DIDO1: variants seen among roughly 807,000 people sequenced by gnomAD.
DIDO1 encodes the protein death-inducer obliterator 1.
DIDO1 carries 16 observed loss-of-function variants against 99.4 expected under a neutral mutation model. That is an observed-to-expected ratio of 0.16 (90% CI 0.11 to 0.24). The LOEUF is 0.24. Ranked by LOEUF, DIDO1 falls within the 10% of genes least tolerant of loss-of-function variation. The pLI is 1.00. For synonymous variants in DIDO1, 1,366 were observed against 1,239.1 expected, an observed-to-expected ratio of 1.10 and a Z score of -2.15; for missense variants, 2,996 against 3,014.0, an observed-to-expected ratio of 0.99 and a Z score of 0.14.
chr20:62,883,159 G>A (rs1388026547), intron 15 of DIDO1, among the ~76,000 whole-genome samples: 2 of 151,604 alleles, frequency 1.3e-5, no homozygotes, highest in African/African-American at 2.4e-5. Flanking sequence ...CCTGACCTCA[G>A]GTGATCCACC....
At chr20:62,929,692 A>AAAAAAAATATATAT, upstream of DIDO1, among the ~76,000 whole-genome samples, 5 of 63,710 alleles carry the variant, frequency 7.8e-5, no homozygotes, top group African/African-American at 3.0e-4. Context: ...AAAAAGAAAA[A>AAAAAAAATATATAT]GTGTATATAT....
At chr20:62,905,533 T>C in intron 6 of DIDO1, 1 of 1,551,004 alleles carries the variant, frequency 6.4e-7, no homozygotes, top group South Asian at 1.2e-5. Flanking sequence ...CAGGGGTGGA[T>C]GTGGCGTGCC....
intron 15 of DIDO1, 144 bp from the exon 16 acceptor site, chr20:62,882,558 G>A: frequency 1.2e-6 from 1 of 848,222 alleles, no homozygotes; most frequent in East Asian, 2.7e-5. Context: ...CAAGTGTCAA[G>A]ACAGTTGCAA....
chr20:62,897,218 A>G (rs2064556722), intron 6 of DIDO1, among the ~76,000 whole-genome samples: 1 of 152,232 alleles, frequency 6.6e-6, no homozygotes, highest in Non-Finnish European at 1.5e-5. Flanking sequence ...TTTCAGAAAG[A>G]AGAATGCTTT....
chr20:62,882,175 G>A lies in DIDO1; in HGVS notation c.3781C>T (p.Pro1261Ser). 1 of 1,613,228 alleles carries A rather than the reference G, an allele frequency of 6.2e-7. No individual in the cohort carries two copies. The highest frequency in any genetic ancestry group is 8.5e-7 in the Non-Finnish European group (1 of 1,180,028). Residue 1261 changes from proline to serine, a missense_variant, in exon 16 of 16, where the codon CCG becomes TCG. By Grantham distance (74) the Pro-to-Ser change is moderately conservative (BLOSUM62 -1). Around this residue, in one of 5 missense-constraint regions of DIDO1, gnomAD observed 1,562 missense variants for 1,412.6 expected, o/e 1.11. Transcript: ENST00000395343. ...TCTGGAAGAGGGGGCGGAGGCGGCG[G>A]CGACCCAGGAGGTGTGGTGCTGACA... ...AAVSTTPPGS[P>S]PPPPPLPEPP...
chr20:62,896,978 C>T lies in DIDO1; in HGVS notation c.1607G>A (p.Arg536Lys), dbSNP rs141635164. ...CATGGCTGCCGCTTTCTCCTCGGAC[C>T]TCCTGTCTTCCTTCGTGGCTACAAA... is the stretch of plus-strand genomic sequence containing the variant. ...LLYKSTKEDR[R>K]SEEKAAAMAA... is the part of the protein sequence containing the mutation. The change falls in exon 7 of 16, where the codon AGG (arginine) becomes AAG (lysine). Residue 536 changes from arginine to lysine, a missense_variant. Coordinates refer to ENST00000395343, the MANE Select transcript of DIDO1 (RefSeq NM_001193369.2). The surrounding 1 kb of genome is among the most constrained non-coding windows in gnomAD (Gnocchi z 4.4). The T allele has an allele frequency of 5.6e-6, 9 of 1,612,348 alleles. No homozygotes were observed. The African/African-American group carries it at 1.1e-4, about 19-fold the overall frequency.
At chr20:62,906,276 G>A (rs1034323433) in intron 5 of DIDO1, among the ~76,000 whole-genome samples, 176 bp from the exon 6 acceptor site, 6 of 152,004 alleles carry the variant, frequency 3.9e-5, no homozygotes, top group South Asian at 2.1e-4. Context: ...CGGTGGGCCC[G>A]CGGTGGGCCC....
At chr20:62,883,980 T>G (rs2064254810) in intron 15 of DIDO1, among the ~76,000 whole-genome samples, 1 of 152,212 alleles carries the variant, frequency 6.6e-6, no homozygotes, top group Non-Finnish European at 1.5e-5. Context: ...AACTCCAGCC[T>G]GGGCAACAGA....
In DIDO1 at chr20:62,893,841, A is replaced by C; in HGVS notation, c.2926T>G (p.Cys976Gly). ...GATGCTGCGGAGGCCACGGCTGTGC[A>C]TGAACTGCTTGGAGCGGTCCTGGGG... ...RDPRTAPSSSCTAVASAASRP... is the reference protein window; with the variant it reads ...RDPRTAPSSSGTAVASAASRP... Residue 976 changes from cysteine to glycine, a missense_variant, in exon 12 of 16, where the codon TGC becomes GGC. Cys to Gly is a radical substitution (Grantham distance 159). Around this residue, in one of 5 missense-constraint regions of DIDO1, gnomAD observed 898 missense variants for 972.7 expected, o/e 0.92. Transcript: ENST00000395343. The C allele has an allele frequency of 3.7e-6, 6 of 1,614,090 alleles. No homozygotes were observed. Among genetic ancestry groups the C allele is most frequent in the Non-Finnish European group, 5.1e-6 (6 of 1,180,034 alleles).
chr20:62,897,144 G>A, intron 6 of DIDO1, 148 bp from the exon 7 acceptor site: 1 of 754,598 alleles, frequency 1.3e-6, no homozygotes, highest in Non-Finnish European at 2.1e-6. Context: ...TTTGTAAAAT[G>A]TTAGTGTTCA....
In DIDO1 at chr20:62,901,286, T is replaced by C. The variant is rs532446793; in HGVS notation, c.1589-4290A>G. 4.6e-5 allele frequency among the ~76,000 whole-genome samples: 7 copies of C among 152,326 alleles called. No homozygotes were observed. In the South Asian group the frequency reaches 1.5e-3, roughly 32 times the overall value. ...TTTCCTTGGTCAGTTTTCTTACTAA[T>C]ACCCGCTACTTGAGTGCCTTCCAAC... On this transcript the variant is annotated intron_variant, in intron 6 of 15. Coordinates refer to ENST00000395343, the MANE Select transcript of DIDO1 (RefSeq NM_001193369.2).
At chr20:62,889,939 T>A (rs2064364206) in intron 15 of DIDO1, 1 of 985,322 alleles carries the variant, frequency 1.0e-6, no homozygotes, top group South Asian at 4.7e-5. Context: ...CTGTGAAGAA[T>A]GGGCTCCAGT....
In DIDO1 at chr20:62,880,755, G is replaced by T; in HGVS notation, c.5201C>A (p.Ala1734Asp). 6.2e-7 allele frequency: 1 copy of T among 1,612,742 alleles called. No individual in the cohort carries two copies. The highest frequency in any genetic ancestry group is 1.1e-5 in the South Asian group (1 of 91,086). ...EPQARPGEGT[A>D]PLPPPGQKVG... ...TTTCTGTCCTGGTGGGGGGAGCGGG[G>T]CGGTGCCCTCGCCGGGTCTGGCCTG... The change falls in exon 16 of 16, where the codon GCC becomes GAC. Residue 1734 changes from alanine to aspartate, a missense_variant. Ala to Asp is a moderately radical substitution (Grantham distance 126). Transcript: ENST00000395343.
upstream of DIDO1, among the ~76,000 whole-genome samples, chr20:62,931,017 T>G (rs1342900115): frequency 2.6e-5 from 4 of 152,230 alleles, no homozygotes; most frequent in African/African-American, 9.6e-5. Flanking sequence ...CTTGGCTGTC[T>G]GCAACCTCTG....
intron 6 of DIDO1, among the ~76,000 whole-genome samples, chr20:62,904,167 T>C (rs888239297): frequency 6.6e-5 from 10 of 152,158 alleles, no homozygotes; most frequent in African/African-American, 2.4e-4. Context: ...TTCACTGTTA[T>C]GTGTCTAAAA....
In DIDO1 at chr20:62,881,767, A is replaced by G; in HGVS notation, c.4189T>C (p.Phe1397Leu). The G allele has an allele frequency of 6.2e-7, 1 of 1,613,202 alleles. No homozygotes were observed. The highest frequency in any genetic ancestry group is 8.5e-7 in the Non-Finnish European group (1 of 1,179,984). The stretch of plus-strand genomic sequence containing the variant: ...CCTCGCTCCACAAGCTGAGTGTCGA[A>G]GGCCCTCTCCGGGTCGTACTCCTCC... ...PEEEYDPERA[F>L]DTQLVERGRR... Residue 1397 changes from phenylalanine to leucine, a missense_variant, in exon 16 of 16, where the codon TTC becomes CTC. Phe to Leu is a conservative substitution (Grantham distance 22). Coordinates refer to ENST00000395343, the MANE Select transcript of DIDO1 (RefSeq NM_001193369.2). This position sits in a 1 kb window ranked among gnomAD's most constrained non-coding sequence, Gnocchi z 8.3.
rs1427207871 is a variant in DIDO1 at position 62,881,861 on chromosome 20, C to A, written c.4095G>T (p.Gln1365His). The change falls in exon 16 of 16, where the codon CAG becomes CAT. Residue 1365 changes from glutamine to histidine, a missense_variant. Physicochemically the swap from Gln to His is conservative, Grantham distance 24. Transcript: ENST00000395343. The surrounding 1 kb of genome is among the most constrained non-coding windows in gnomAD (Gnocchi z 8.3). Reference protein sequence around the residue: ...PAPPLLDPIVQQFGQFSKDKA... With the variant: ...PAPPLLDPIVHQFGQFSKDKA... ...TATCTTTTGAGAACTGACCGAACTGCTGGACGATCGGATCTAACAACGGAG... is the reference window on the plus strand; with the variant it reads ...TATCTTTTGAGAACTGACCGAACTGATGGACGATCGGATCTAACAACGGAG... The A allele has an allele frequency of 3.1e-6, 5 of 1,613,484 alleles. No homozygotes were observed. Among genetic ancestry groups the A allele is most frequent in the African/African-American group, 1.3e-5 (1 of 74,938 alleles).
intron 6 of DIDO1, among the ~76,000 whole-genome samples, chr20:62,899,615 T>C (rs1354068834): frequency 6.6e-6 from 1 of 152,172 alleles, no homozygotes; most frequent in African/African-American, 2.4e-5. Flanking sequence ...CGTAATTTAT[T>C]TTAAAAGCAG....
chr20:62,899,995 A>G lies in DIDO1; in HGVS notation c.1589-2999T>C, dbSNP rs11905998. Among the ~76,000 whole-genome samples, 271 of 152,344 alleles carry G rather than the reference A, an allele frequency of 1.8e-3. 1 individual carries two copies. The highest frequency in any genetic ancestry group is 6.3e-3 in the African/African-American group (262 of 41,582). On this transcript the variant is annotated intron_variant, in intron 6 of 15. Transcript: ENST00000395343. ...AGTTCATCCAAATTTGCTTTGAACT[A>G]TTACGTTGTGTATAACTTCAGAGAA...
Sources: allele counts gnomAD v4.1 joint callset (sites outside exome capture counted in the v4.1 genomes callset), GRCh38; gene constraint gnomAD v4.1.1; regional missense constraint gnomAD v4.1.1; non-coding constraint Gnocchi (gnomAD v3.1); transcripts MANE v1.5; gene names NCBI Gene and HGNC (gene_info 2026-07-23, HGNC 2026-07-21).